Variants in COG7 observed in about 807,000 individuals in gnomAD.
COG7 encodes conserved oligomeric Golgi complex subunit 7.
In COG7, 49 loss-of-function variants were observed where a neutral mutation model predicts 91.5. That is an observed-to-expected ratio of 0.54 (90% confidence interval 0.43 to 0.68). COG7 has a LOEUF of 0.68. Ranked by LOEUF, COG7 falls within the 30% of genes least tolerant of loss-of-function variation. The pLI is 0.00. For synonymous variants in COG7, 365 were observed against 388.7 expected (o/e 0.94, Z 0.72); for missense variants, 895 against 961.3 (o/e 0.93, Z 0.91).
intron 4 of COG7, among the ~76,000 whole-genome samples, chr16:23,436,939 A>G (rs1330591713): frequency 6.6e-6 from 1 of 152,122 alleles, no homozygotes; most frequent in Non-Finnish European, 1.5e-5. Context: ...TCCCAACTAG[A>G]TATCTAATCA....
intron 1 of COG7, among the ~76,000 whole-genome samples, chr16:23,451,536 C>T (rs775678294): frequency 2.8e-4 from 43 of 151,920 alleles, no homozygotes; most frequent in Non-Finnish European, 4.7e-4. Flanking sequence ...CAACATAGTG[C>T]GACCTTGTCT....
intron 13 of COG7, among the ~76,000 whole-genome samples, chr16:23,401,610 G>A (rs555868749): frequency 3.4e-4 from 52 of 152,270 alleles, no homozygotes; most frequent in Middle Eastern, 3.4e-3. Context: ...TAATCCTTTC[G>A]TTTTTCAATG....
intron 6 of COG7, among the ~76,000 whole-genome samples, chr16:23,429,657 A>G (rs539529277): frequency 9.9e-5 from 15 of 152,170 alleles, no homozygotes. Flanking sequence ...CCAGCTACTC[A>G]TGGGGCTGAG....
At chr16:23,398,815 G>A (rs564202769) in intron 13 of COG7, among the ~76,000 whole-genome samples, 10 of 152,324 alleles carry the variant, frequency 6.6e-5, no homozygotes, top group Non-Finnish European at 1.0e-4. Context: ...CCCCCTGTGC[G>A]AGGAGAACCT....
chr16:23,437,059 G>A (rs78032486), intron 4 of COG7, among the ~76,000 whole-genome samples: 1 of 152,296 alleles, frequency 6.6e-6, no homozygotes, highest in East Asian at 1.9e-4. Flanking sequence ...GGCCAGGCAT[G>A]GGAGGGAGGG....
chr16:23,425,038 G>T, intron 6 of COG7, 91 bp from the exon 7 acceptor site: 2 of 1,064,566 alleles, frequency 1.9e-6, no homozygotes, highest in Non-Finnish European at 2.8e-6. Flanking sequence ...TGCCAGGCAC[G>T]GTGGCTTATG....
At chr16:23,419,088 C>T (rs1444993824) in intron 7 of COG7, among the ~76,000 whole-genome samples, 1 of 152,194 alleles carries the variant, frequency 6.6e-6, no homozygotes, top group Non-Finnish European at 1.5e-5. Flanking sequence ...CATGACCCAC[C>T]ACAAATAAGA....
chr16:23,398,364 T>C (rs1326117412), intron 13 of COG7, among the ~76,000 whole-genome samples: 1 of 152,202 alleles, frequency 6.6e-6, no homozygotes, highest in Non-Finnish European at 1.5e-5. Context: ...TGCAGGTCCA[T>C]GAAACAGGAA....
At chr16:23,441,411 C>T (rs1372063223) in intron 4 of COG7, among the ~76,000 whole-genome samples, 2 of 152,076 alleles carry the variant, frequency 1.3e-5, no homozygotes, top group African/African-American at 4.8e-5. Context: ...CTCATCTCTA[C>T]TGAAAATATA....
At chr16:23,406,292 T>G in intron 11 of COG7, 30 bp from the exon 12 acceptor site, 1 of 1,582,128 alleles carries the variant, frequency 6.3e-7, no homozygotes, top group Non-Finnish European at 8.7e-7. Flanking sequence ...CATTATGCCC[T>G]GAGCTATTTG....
At chr16:23,438,782 C>G (rs988685614) in intron 4 of COG7, among the ~76,000 whole-genome samples, 1 of 151,708 alleles carries the variant, frequency 6.6e-6, no homozygotes. Context: ...AAATTGGAAC[C>G]CTTGTGCATT....
At chr16:23,438,944 G>A (rs1964054765) in intron 4 of COG7, among the ~76,000 whole-genome samples, 1 of 151,830 alleles carries the variant, frequency 6.6e-6, no homozygotes, top group South Asian at 2.1e-4. Flanking sequence ...GATCACTTGA[G>A]GCCAGGAGTT....
chr16:23,413,704 G>T (rs1963606275), intron 9 of COG7, 140 bp from the exon 10 acceptor site: 3 of 689,958 alleles, frequency 4.3e-6, no homozygotes, highest in Admixed American at 4.3e-5. Context: ...GAGTGAAACT[G>T]CTTGTAAACC....
At chr16:23,450,302 A>C (rs189045692) in intron 1 of COG7, among the ~76,000 whole-genome samples, 201 of 152,246 alleles carry the variant, frequency 1.3e-3, no homozygotes, top group Non-Finnish European at 2.5e-3. Context: ...TTCAAGGTCT[A>C]ACACAGGGCA....
intron 13 of COG7, among the ~76,000 whole-genome samples, 188 bp from the exon 14 acceptor site, chr16:23,398,317 G>A (rs137954246): frequency 2.0e-5 from 3 of 152,310 alleles, no homozygotes; most frequent in East Asian, 3.9e-4. Flanking sequence ...CTGGAAGCCC[G>A]CCATACAGAA....
At chr16:23,418,641 G>A in intron 8 of COG7, 59 bp downstream of exon 8, 1 of 1,579,920 alleles carries the variant, frequency 6.3e-7, no homozygotes, top group Admixed American at 1.7e-5. Flanking sequence ...TCCCAGACGT[G>A]GCCAAGACCC....
At chr16:23,443,633 A>C (rs550711749) in intron 3 of COG7, among the ~76,000 whole-genome samples, 1 of 151,994 alleles carries the variant, frequency 6.6e-6, no homozygotes, top group Non-Finnish European at 1.5e-5. Flanking sequence ...AGAGGTTTGC[A>C]GTGAGCCGAG....
At chr16:23,410,546 T>C (rs1963545819) in intron 10 of COG7, among the ~76,000 whole-genome samples, 186 bp from the exon 11 acceptor site, 1 of 152,154 alleles carries the variant, frequency 6.6e-6, no homozygotes, top group African/African-American at 2.4e-5. Context: ...AAAAAGAAAA[T>C]GCTGGTCCCT....
chr16:23,452,670 C>T, intron 1 of COG7, 156 bp downstream of exon 1: 1 of 1,439,770 alleles, frequency 6.9e-7, no homozygotes, highest in Non-Finnish European at 9.1e-7. Context: ...CTGAGACTCC[C>T]GCTGACGTGA....
Sources: allele counts gnomAD v4.1 joint callset (sites outside exome capture counted in the v4.1 genomes callset), GRCh38; gene constraint gnomAD v4.1.1; transcripts MANE v1.5; gene names NCBI Gene and HGNC (gene_info 2026-07-23, HGNC 2026-07-21).